Variants in NABP2 observed in about 807,000 individuals in gnomAD.
NABP2 encodes the protein SOSS complex subunit B1.
NABP2 carries 7 observed loss-of-function variants against 22.7 expected under a neutral mutation model. The ratio of observed to expected loss-of-function variants is 0.31; its 90% CI spans 0.18 to 0.58. The LOEUF (loss-of-function observed/expected upper bound fraction) is 0.58, where lower values mean the gene tolerates loss of function less well. Among genes scored for constraint, NABP2 ranks in the 20% least tolerant of loss-of-function variants. The pLI is 0.89. For missense variants in NABP2, 188 were observed against 265.9 expected, an observed-to-expected ratio of 0.71 and a Z score of 2.04; for synonymous variants, 107 against 99.2, an observed-to-expected ratio of 1.08 and a Z score of -0.47.
At chr12:56,225,834 C>CTGTCGCTCAGGCTGGAGTACAGTGGCA (rs1869736016) in intron 4 of NABP2, 139 bp downstream of exon 4, 6 of 995,598 alleles carry the variant, frequency 6.0e-6, no homozygotes, top group Non-Finnish European at 7.6e-6. Context: ...GAAACAGTCT[C>CTGTCGCTCAGGCTGGAGTACAGTGGCA]TGTCGCTCAG....
At chr12:56,224,149 T>TA (rs1286189659), upstream of NABP2, among the ~76,000 whole-genome samples, 3 of 152,242 alleles carry the variant, frequency 2.0e-5, no homozygotes, top group Non-Finnish European at 4.4e-5. Flanking sequence ...GTGCGCCTTC[T>TA]AGTGGTGGAT....
rs779293401 is a variant in NABP2, at chr12:56,226,201, G to A, written c.313G>A (p.Val105Ile). ...IGEFCMVYSE[V>I]PNFSEPNPEY... ...CAGATTCTGTATGGTTTATTCTGAG[G>A]TTCCTAACTTCAGTGAGCCAAACCC... The change falls in exon 5 of 7, where the codon GTT becomes ATT. Residue 105 changes from valine (V) to isoleucine (I), a missense_variant. By Grantham distance (29) the Val-to-Ile change is conservative (BLOSUM62 3). Transcript: ENST00000267023. 12 of 1,614,134 alleles carry A rather than the reference G, an allele frequency of 7.4e-6. No individual in the cohort carries two copies. The highest frequency in any genetic ancestry group is 1.7e-5 in the Admixed American group (1 of 60,010).
intron 2 of NABP2, among the ~76,000 whole-genome samples, 165 bp downstream of exon 2, chr12:56,225,100 G>C (rs998107353): frequency 6.6e-6 from 1 of 152,060 alleles, no homozygotes; most frequent in African/African-American, 2.4e-5. Context: ...GTCAGGTATA[G>C]GGTAGATAGA....
At position 56,229,169 on chromosome 12, in the gene NABP2, C is replaced by G. The variant is rs202208466; in HGVS notation, c.592C>G (p.Pro198Ala). 20 of 1,611,954 alleles carry G rather than the reference C, an allele frequency of 1.2e-5. No homozygotes were observed. Among genetic ancestry groups the G allele is most frequent in the Middle Eastern group, 1.8e-4 (1 of 5,420 alleles). Reference protein sequence around the residue: ...PAGPPGPSSNPVSNGKETRRS... With the variant: ...PAGPPGPSSNAVSNGKETRRS... ...AGGCCCGCCTGGCCCTTCCAGCAACCCTGTTAGTAACGGCAAAGAAACCCG... is the reference window on the plus strand; with the variant it reads ...AGGCCCGCCTGGCCCTTCCAGCAACGCTGTTAGTAACGGCAAAGAAACCCG... The change falls in exon 7 of 7, where the codon CCT becomes GCT. Residue 198 changes from proline to alanine, a missense_variant. Physicochemically the swap from Pro to Ala is conservative, Grantham distance 27. Transcript: ENST00000267023.
In NABP2 at chr12:56,229,096, C is replaced by T; in HGVS notation, c.519C>T (p.His173=). The change falls in exon 7 of 7, where the codon CAC becomes CAT. Residue 173 remains histidine (H), a synonymous_variant. Coordinates refer to ENST00000267023, the MANE Select transcript of NABP2 (RefSeq NM_024068.4). ...CACATCCCCCTCATACTCCCTCCCA[C>T]CCACCCAGCACCCGAATCACTCGAA... ...GGPHPPHTPS[H]PPSTRITRSQ... 1 of 1,604,098 alleles carries T rather than the reference C, an allele frequency of 6.2e-7. No homozygotes were observed. Among genetic ancestry groups the T allele is most frequent in the Non-Finnish European group, 8.5e-7 (1 of 1,174,208 alleles).
At chr12:56,223,018 G>T (rs1869569795), upstream of NABP2, among the ~76,000 whole-genome samples, 1 of 152,106 alleles carries the variant, frequency 6.6e-6, no homozygotes, top group African/African-American at 2.4e-5. Flanking sequence ...GGTGGATCAC[G>T]AGGTCAGGAG....
chr12:56,229,310 C>G lies in NABP2; in HGVS notation c.*97C>G. 7 of 1,365,770 alleles carry G rather than the reference C, an allele frequency of 5.1e-6. No homozygotes were observed. Among genetic ancestry groups the G allele is most frequent in the Non-Finnish European group, 7.2e-6 (7 of 977,254 alleles). The allele number at this position is 1,365,770 out of a possible 1,614,324, so 84.6% of individuals were successfully genotyped here. On this transcript the variant is annotated 3_prime_UTR_variant, in exon 7 of 7. Transcript: ENST00000267023. ...ATTGGCTGGTGTAGCAGTATTTTAG[C>G]CACTGAACTTCAGTGGAGGGTGGTG...
At chr12:56,223,227 C>T (rs951590757), upstream of NABP2, among the ~76,000 whole-genome samples, 1 of 152,006 alleles carries the variant, frequency 6.6e-6, no homozygotes, top group Admixed American at 6.6e-5. Flanking sequence ...GGCGACAGAG[C>T]AAGACTCCTT....
At chr12:56,224,682 G>A (rs1869676114) in intron 1 of NABP2, 152 bp from the exon 2 acceptor site, 3 of 888,786 alleles carry the variant, frequency 3.4e-6, no homozygotes, top group Non-Finnish European at 4.9e-6. Flanking sequence ...GAAGTTGGAG[G>A]CCTCCGGGGA....
At chr12:56,227,600 T>C (rs1240905080) in intron 6 of NABP2, among the ~76,000 whole-genome samples, 1 of 152,114 alleles carries the variant, frequency 6.6e-6, no homozygotes, top group East Asian at 1.9e-4. Flanking sequence ...ATGACAGTGG[T>C]ATGTCCAGAG....
Position 56,229,087 on chromosome 12 carries a change from T to TCTCC in NABP2, c.511_512insTCCC (p.Pro171LeufsTer31). On this transcript the variant is annotated frameshift_variant, in exon 7 of 7. Coordinates refer to ENST00000267023, the MANE Select transcript of NABP2 (RefSeq NM_024068.4). LOFTEE classifies it high-confidence loss of function. ...GTGGTGGCCCACATCCCCCTCATAC[T>TCTCC]CCCTCCCACCCACCCAGCACCCGAA... 6.6e-7 allele frequency: 1 copy of TCTCC among 1,512,346 alleles called. No individual in the cohort carries two copies. The highest frequency in any genetic ancestry group is 9.1e-7 in the Non-Finnish European group (1 of 1,102,014). 93.7% of individuals were successfully genotyped at this position (1,512,346 alleles called of 1,614,324 possible).
upstream of NABP2, chr12:56,222,034 G>A (rs936512197): frequency 1.0e-3 from 160 of 152,544 alleles, 1 homozygote; most frequent in African/African-American, 3.7e-3. Flanking sequence ...CTGCCTACGA[G>A]GAGGGACGAA....
chr12:56,226,472 AGCCTAGAAAGAT>A (rs1869770401), intron 6 of NABP2, 53 bp downstream of exon 6: 1 of 1,503,270 alleles, frequency 6.7e-7, no homozygotes, highest in Admixed American at 1.7e-5. Flanking sequence ...CACTCTCCTC[AGCCTAGAAAGAT>A]GCATTTCCCT....
rs10676452 is a variant in NABP2 at position 56,226,732 on chromosome 12, A to ATTTT, written c.436+323_436+326dup. Among the ~76,000 whole-genome samples the ATTTT allele has an allele frequency of 6.2e-5, 4 of 64,614 alleles. 1 individual carries two copies. The highest frequency in any genetic ancestry group is 9.5e-5 in the African/African-American group (2 of 21,064). 42.4% of individuals were successfully genotyped at this position (64,614 alleles called of 152,430 possible). ...AGGCACCTGCCACCATGCCCGGCTAATTTTTTTTTTTTTGAGATGGAGTCT... is the reference window on the plus strand; with the variant it reads ...AGGCACCTGCCACCATGCCCGGCTAATTTTTTTTTTTTTTTTTGAGATGGAGTCT... On this transcript the variant is annotated intron_variant, in intron 6 of 6. Transcript: ENST00000267023.
At chr12:56,224,258 G>C, upstream of NABP2, 1 of 891,290 alleles carries the variant, frequency 1.1e-6, no homozygotes, top group Non-Finnish European at 1.3e-6. Flanking sequence ...TGGCTGGGCA[G>C]GGCAGGCGGC....
At chr12:56,225,337 A>T in intron 2 of NABP2, 36 bp from the exon 3 acceptor site, 2 of 1,613,444 alleles carry the variant, frequency 1.2e-6, no homozygotes, top group Non-Finnish European at 1.7e-6. Context: ...CATTTATTTG[A>T]CCATCCTCCC....
intron 6 of NABP2, among the ~76,000 whole-genome samples, chr12:56,228,622 G>A (rs983483459): frequency 1.3e-5 from 2 of 152,000 alleles, no homozygotes; most frequent in Admixed American, 6.6e-5. Flanking sequence ...GCCTGACCTC[G>A]TGATCCACCC....
At chr12:56,227,991 A>G (rs1869853437) in intron 6 of NABP2, among the ~76,000 whole-genome samples, 1 of 152,078 alleles carries the variant, frequency 6.6e-6, no homozygotes, top group Non-Finnish European at 1.5e-5. Flanking sequence ...CTGGGAGTTC[A>G]AGACCAGCCT....
At position 56,229,326 on chromosome 12, in the gene NABP2, G is replaced by GCTAA; in HGVS notation, c.*113_*114insCTAA. On this transcript the variant is annotated 3_prime_UTR_variant, in exon 7 of 7. Coordinates refer to ENST00000267023, the MANE Select transcript of NABP2 (RefSeq NM_024068.4). ...GTATTTTAGCCACTGAACTTCAGTG[G>GCTAA]AGGGTGGTGAGCAGTGTCCTTATCC... The GCTAA allele has an allele frequency of 8.7e-7, 1 of 1,153,950 alleles. No individual in the cohort carries two copies. Among genetic ancestry groups the GCTAA allele is most frequent in the Non-Finnish European group, 1.3e-6 (1 of 797,214 alleles). The allele number at this position is 1,153,950 out of a possible 1,614,324, so 71.5% of individuals were successfully genotyped here.
Sources: allele counts gnomAD v4.1 joint callset (sites outside exome capture counted in the v4.1 genomes callset), GRCh38; gene constraint gnomAD v4.1.1; transcripts MANE v1.5; gene names NCBI Gene and HGNC (gene_info 2026-07-23, HGNC 2026-07-21).